Variants in KCNAB1 observed in about 807,000 individuals in gnomAD.
KCNAB1 encodes the protein potassium voltage-gated channel subfamily A regulatory beta subunit 1.
Under a neutral mutation model 64.6 loss-of-function variants are expected in KCNAB1, and 35 were observed. The observed-to-expected ratio is 0.54, with a 90% CI of 0.41 to 0.72. The LOEUF (loss-of-function observed/expected upper bound fraction) is 0.72. KCNAB1 is among the 30% of genes least tolerant of loss of function. The pLI is 0.00. For synonymous variants in KCNAB1, 177 were observed against 183.8 expected, an observed-to-expected ratio of 0.96 and a Z score of 0.30; for missense variants, 401 against 512.9, an observed-to-expected ratio of 0.78 and a Z score of 2.11.
At chr3:156,292,029 G>A (rs552884415) in intron 1 of KCNAB1, 1 of 1,614,146 alleles carries the variant, frequency 6.2e-7, no homozygotes, top group Non-Finnish European at 8.5e-7. Flanking sequence ...GCCAAATTCC[G>A]CACGGTCGCT....
At chr3:156,200,970 T>A (rs1714293448) in intron 1 of KCNAB1, among the ~76,000 whole-genome samples, 1 of 152,208 alleles carries the variant, frequency 6.6e-6, no homozygotes, top group Admixed American at 6.5e-5. Context: ...CACGAGGGAA[T>A]GTCCTTGGGT....
intron 11 of KCNAB1, among the ~76,000 whole-genome samples, chr3:156,517,338 G>C (rs565356365): frequency 6.6e-6 from 1 of 152,274 alleles, no homozygotes; most frequent in South Asian, 2.1e-4. Context: ...TGTAACAGTT[G>C]AGCTTTTGCT....
At chr3:156,380,277 T>C (rs1446264919) in intron 1 of KCNAB1, among the ~76,000 whole-genome samples, 2 of 152,218 alleles carry the variant, frequency 1.3e-5, no homozygotes, top group Non-Finnish European at 2.9e-5. Flanking sequence ...GTTTGTATTA[T>C]AGAAAAATAT....
At chr3:156,167,716 G>A (rs1711683269) in intron 1 of KCNAB1, among the ~76,000 whole-genome samples, 1 of 152,166 alleles carries the variant, frequency 6.6e-6, no homozygotes, top group Non-Finnish European at 1.5e-5. Flanking sequence ...GATTGAGATT[G>A]AATTATAAGA....
At chr3:156,313,052 G>C in intron 1 of KCNAB1, among the ~76,000 whole-genome samples, 1 of 152,088 alleles carries the variant, frequency 6.6e-6, no homozygotes, top group South Asian at 2.1e-4. Context: ...TCACATTTCT[G>C]TTTCTTAGGA....
At chr3:156,275,778 A>G (rs1474168978) in intron 1 of KCNAB1, among the ~76,000 whole-genome samples, 2 of 152,158 alleles carry the variant, frequency 1.3e-5, no homozygotes, top group African/African-American at 4.8e-5. Flanking sequence ...TGCCTCCACT[A>G]TTAATTCCAG....
intron 1 of KCNAB1, chr3:156,273,749 G>A (rs62286214): frequency 0.06 from 26,296 of 434,806 alleles, 2,209 homozygotes; most frequent in South Asian, 0.2. Context: ...GTCAGATTTG[G>A]TGTTCCTGTG....
chr3:156,123,009 G>C (rs1328983184), intron 1 of KCNAB1, among the ~76,000 whole-genome samples: 1 of 152,118 alleles, frequency 6.6e-6, no homozygotes, highest in Admixed American at 6.5e-5. Context: ...TAGAATGTAC[G>C]ATCCCCCAAG....
intron 11 of KCNAB1, among the ~76,000 whole-genome samples, chr3:156,519,474 G>T (rs1717789386): frequency 6.6e-6 from 1 of 152,078 alleles, no homozygotes; most frequent in African/African-American, 2.4e-5. Flanking sequence ...GACAAAGCTT[G>T]GTTGTCTTCC....
chr3:156,357,663 G>A (rs1357431160), intron 1 of KCNAB1, among the ~76,000 whole-genome samples: 1 of 151,902 alleles, frequency 6.6e-6, no homozygotes, highest in East Asian at 1.9e-4. Context: ...AGAAACAGGT[G>A]AAATTAATTT....
intron 8 of KCNAB1, among the ~76,000 whole-genome samples, chr3:156,486,210 C>T (rs965359653): frequency 2.0e-5 from 3 of 152,150 alleles, no homozygotes; most frequent in Non-Finnish European, 4.4e-5. Context: ...GGCTGTGAGA[C>T]GGTGCTTTCC....
chr3:156,500,423 A>G (rs1312653023), intron 8 of KCNAB1, among the ~76,000 whole-genome samples: 1 of 152,192 alleles, frequency 6.6e-6, no homozygotes, highest in Non-Finnish European at 1.5e-5. Context: ...AACTTACTCC[A>G]TTTAAAAAGA....
chr3:156,135,788 C>T (rs755839406), intron 1 of KCNAB1, among the ~76,000 whole-genome samples: 16 of 152,208 alleles, frequency 1.1e-4, no homozygotes, highest in Admixed American at 2.0e-4. Context: ...ATAGAAATAA[C>T]GTGTCAAAGA....
intron 1 of KCNAB1, among the ~76,000 whole-genome samples, chr3:156,122,148 C>A (rs1388639537): frequency 1.3e-5 from 2 of 150,100 alleles, no homozygotes; most frequent in South Asian, 4.2e-4. Flanking sequence ...TGCTGTTGGG[C>A]CCACATTTGG....
chr3:156,158,314 T>G (rs1018342535), intron 1 of KCNAB1, among the ~76,000 whole-genome samples: 1 of 152,046 alleles, frequency 6.6e-6, no homozygotes, highest in Non-Finnish European at 1.5e-5. Flanking sequence ...CTTTTTGAGA[T>G]AAGGTGAGAT....
At chr3:156,161,352 A>G (rs980441506) in intron 1 of KCNAB1, among the ~76,000 whole-genome samples, 1 of 152,116 alleles carries the variant, frequency 6.6e-6, no homozygotes, top group East Asian at 1.9e-4. Context: ...TCTTTACCAC[A>G]TGTTTATTTT....
intron 1 of KCNAB1, among the ~76,000 whole-genome samples, chr3:156,240,293 A>AT (rs753942032): frequency 5.9e-5 from 9 of 151,674 alleles, no homozygotes; most frequent in Non-Finnish European, 1.3e-4. Context: ...TTCCTCTCTG[A>AT]TTTTTCCTTC....
At chr3:156,161,473 G>GTT (rs1470044195) in intron 1 of KCNAB1, among the ~76,000 whole-genome samples, 13 of 152,158 alleles carry the variant, frequency 8.5e-5, no homozygotes, top group African/African-American at 3.1e-4. Flanking sequence ...ACCCTCCAGA[G>GTT]GACTGATGTC....
At chr3:156,484,685 C>T (rs140222313) in intron 8 of KCNAB1, among the ~76,000 whole-genome samples, 1 of 152,184 alleles carries the variant, frequency 6.6e-6, no homozygotes, top group East Asian at 1.9e-4. Flanking sequence ...TACTGGCATG[C>T]TGATTGAATG....
Sources: gnomAD v4.1 joint callset for allele counts (sites outside exome capture counted in the v4.1 genomes callset) on GRCh38, gnomAD v4.1.1 for gene constraint, MANE v1.5 for transcripts, NCBI Gene and HGNC (gene_info 2026-07-23, HGNC 2026-07-21) for gene names.